The following SAMD12 variants were observed in gnomAD, a reference collection of about 807,000 sequenced individuals.
SAMD12 encodes the protein sterile alpha motif domain containing 12, also known as sterile alpha motif domain-containing protein 12.
A neutral mutation model predicts 15.0 loss-of-function variants in SAMD12; 9 were observed. The observed-to-expected ratio is 0.60, with a 90% CI of 0.36 to 1.05. SAMD12 has a LOEUF of 1.05. SAMD12 is among the 50% of genes least tolerant of loss of function. The pLI is 0.01. For missense variants in SAMD12, 230 were observed against 234.2 expected, an observed-to-expected ratio of 0.98 and a Z score of 0.12; for synonymous variants, 86 against 90.1, an observed-to-expected ratio of 0.96 and a Z score of 0.25.
chr8:118,326,595 A>G (rs1816574225), intron 4 of SAMD12, among the ~76,000 whole-genome samples: 1 of 152,184 alleles, frequency 6.6e-6, no homozygotes, highest in African/African-American at 2.4e-5. Context: ...TGCTTAGTAG[A>G]GATCACCATC....
intron 4 of SAMD12, among the ~76,000 whole-genome samples, chr8:118,259,030 A>C (rs562161611): frequency 3.9e-5 from 6 of 152,248 alleles, no homozygotes; most frequent in Middle Eastern, 3.4e-3. Context: ...GAAATAGCAA[A>C]TTAGTACACT....
chr8:118,165,631 T>TACAC, the SAMD12 span, among the ~76,000 whole-genome samples: 60 of 138,998 alleles, frequency 4.3e-4, no homozygotes, highest in Non-Finnish European at 6.6e-4. Flanking sequence ...TATATATATA[T>TACAC]ATATACATAT....
chr8:118,564,844 G>A (rs902959944), intron 2 of SAMD12, among the ~76,000 whole-genome samples: 3 of 152,160 alleles, frequency 2.0e-5, no homozygotes, highest in East Asian at 1.9e-4. Flanking sequence ...TATCTTCCAC[G>A]CAGTGACTTG....
chr8:118,584,228 A>C (rs1772062653), intron 1 of SAMD12, among the ~76,000 whole-genome samples: 1 of 152,180 alleles, frequency 6.6e-6, no homozygotes, highest in Non-Finnish European at 1.5e-5. Context: ...TTTTGTACTT[A>C]GAATTATTTA....
chr8:118,198,083 T>C (rs1037386699), intron 4 of SAMD12, among the ~76,000 whole-genome samples: 3 of 152,192 alleles, frequency 2.0e-5, no homozygotes, highest in African/African-American at 7.2e-5. Flanking sequence ...ATTTGCTTGG[T>C]CTGGTGCAAG....
chr8:118,271,057 C>T (rs1448710453), intron 4 of SAMD12, among the ~76,000 whole-genome samples: 1 of 152,110 alleles, frequency 6.6e-6, no homozygotes, highest in Admixed American at 6.6e-5. Flanking sequence ...CTGCAAACTG[C>T]TTGAATGCAT....
At chr8:118,516,252 T>C (rs1825241307) in intron 2 of SAMD12, among the ~76,000 whole-genome samples, 1 of 152,270 alleles carries the variant, frequency 6.6e-6, no homozygotes, top group Non-Finnish European at 1.5e-5. Flanking sequence ...TTTGCAAGTA[T>C]TACTTATACA....
chr8:118,478,010 T>A (rs1463643367), intron 2 of SAMD12, among the ~76,000 whole-genome samples: 3 of 102,886 alleles, frequency 2.9e-5, no homozygotes, highest in African/African-American at 1.1e-4. Context: ...CGAGACCCTG[T>A]CTCAAAAAAA....
intron 4 of SAMD12, among the ~76,000 whole-genome samples, chr8:118,286,734 G>A (rs1814046740): frequency 6.6e-6 from 1 of 152,216 alleles, no homozygotes; most frequent in South Asian, 2.1e-4. Flanking sequence ...CAACACCTAT[G>A]TGCTAGTAGG....
At chr8:118,333,912 C>T (rs1489920844) in intron 4 of SAMD12, among the ~76,000 whole-genome samples, 4 of 109,332 alleles carry the variant, frequency 3.7e-5, no homozygotes, top group Non-Finnish European at 5.2e-5. Context: ...TGTGTGTGCA[C>T]GTTGGCAGGG....
At chr8:118,359,889 A>G (rs1818405448) in intron 4 of SAMD12, among the ~76,000 whole-genome samples, 1 of 152,186 alleles carries the variant, frequency 6.6e-6, no homozygotes, top group African/African-American at 2.4e-5. Flanking sequence ...ATTCCGATAA[A>G]AACTGGAGAA....
chr8:118,451,234 G>A (rs973839724), intron 2 of SAMD12, among the ~76,000 whole-genome samples: 4 of 152,300 alleles, frequency 2.6e-5, no homozygotes, highest in African/African-American at 9.6e-5. Flanking sequence ...AAACAGGAGA[G>A]AACAATATGG....
chr8:118,250,556 G>A (rs772450131), intron 4 of SAMD12, among the ~76,000 whole-genome samples: 1 of 151,058 alleles, frequency 6.6e-6, no homozygotes, highest in Non-Finnish European at 1.5e-5. Flanking sequence ...AGGCTGGAGT[G>A]CAGTGGTGCA....
At chr8:118,457,698 A>G (rs1435659202) in intron 2 of SAMD12, among the ~76,000 whole-genome samples, 1 of 152,086 alleles carries the variant, frequency 6.6e-6, no homozygotes, top group Non-Finnish European at 1.5e-5. Flanking sequence ...GATAAGAAAC[A>G]CTGTACAATA....
chr8:118,580,855 G>A lies in SAMD12; in HGVS notation c.52C>T (p.Pro18Ser). 2 of 1,612,960 alleles carry A rather than the reference G, an allele frequency of 1.2e-6. No homozygotes were observed. The highest frequency in any genetic ancestry group is 8.5e-7 in the Non-Finnish European group (1 of 1,179,348). Residue 18 changes from proline to serine, a missense_variant, in exon 2 of 4, where the codon CCT becomes TCT. By Grantham distance (74) the Pro-to-Ser change is moderately conservative (BLOSUM62 -1). Transcript: ENST00000314727. ...CGLNPRGIDH[P>S]AHAEGIKLQI... is the part of the protein sequence containing the mutation. Reference sequence around the variant, plus strand: ...AGTTTAATACCTTCAGCATGGGCAGGGTGATCAATACCCCGTGGATTCAAA... The same window carrying A: ...AGTTTAATACCTTCAGCATGGGCAGAGTGATCAATACCCCGTGGATTCAAA...
intron 2 of SAMD12, among the ~76,000 whole-genome samples, chr8:118,558,023 C>T (rs1402838886): frequency 6.6e-6 from 1 of 152,154 alleles, no homozygotes; most frequent in Non-Finnish European, 1.5e-5. Flanking sequence ...TGGTCTTCTA[C>T]TCATGAAAAT....
chr8:118,619,531 T>C (rs1173996199), intron 1 of SAMD12, among the ~76,000 whole-genome samples: 2 of 151,644 alleles, frequency 1.3e-5, no homozygotes, highest in Admixed American at 6.6e-5. Context: ...AAATCCCTTA[T>C]TGTATCACAT....
Position 118,610,310 on chromosome 8 carries a change from G to A in SAMD12, c.13+11494C>T, listed in dbSNP as rs527639900. On this transcript the variant is annotated intron_variant, in intron 1 of 3. Coordinates refer to ENST00000314727, the MANE Select transcript of SAMD12 (RefSeq NM_207506.3). ...AAGTAATTTTTTGTTTTATTATAAT[G>A]CTGTTTTTCTTAAGTAACCAAGGTT... 2.1e-3 allele frequency among the ~76,000 whole-genome samples: 325 copies of A among 152,246 alleles called. 5 individuals carry two copies. Among genetic ancestry groups the A allele is most frequent in the Non-Finnish European group, 3.6e-3 (246 of 68,002 alleles).
chr8:118,517,676 ACACACATTAGGTGGC>A (rs1172642164), intron 2 of SAMD12, among the ~76,000 whole-genome samples: 1 of 152,214 alleles, frequency 6.6e-6, no homozygotes, highest in Non-Finnish European at 1.5e-5. Flanking sequence ...AAGCAATCAC[ACACACATTAGGTGGC>A]TTCCAAAGGC....
Sources: gnomAD v4.1 joint callset for allele counts (sites outside exome capture counted in the v4.1 genomes callset) on GRCh38, gnomAD v4.1.1 for gene constraint, MANE v1.5 for transcripts, NCBI Gene and HGNC (gene_info 2026-07-23, HGNC 2026-07-21) for gene names.